The following CASK variants were observed in gnomAD, a reference collection of about 807,000 sequenced individuals.
CASK encodes the protein calcium/calmodulin dependent serine protein kinase.
In CASK, 4 loss-of-function variants were observed where a neutral mutation model predicts 82.9. The observed-to-expected ratio is 0.05, with a 90% confidence interval of 0.02 to 0.11. CASK has a LOEUF of 0.11. CASK is among the 10% of genes least tolerant of loss of function. The pLI, the probability that CASK is intolerant of heterozygous loss-of-function variation, is 1.00. For missense variants in CASK, 358 were observed against 720.9 expected (o/e 0.50, Z 5.76); for synonymous variants, 259 against 253.5 (o/e 1.02, Z -0.20).
intron 8 of CASK, chrX:41,660,026 C>A: frequency 6.7e-6 from 1 of 150,267 alleles, no homozygotes; most frequent in Non-Finnish European, 1.3e-5. Context: ...CTGCCGTTTT[C>A]CTAAGACAGA....
At chrX:41,902,752 A>C (rs1055006353) in intron 1 of CASK, among the ~76,000 whole-genome samples, 2 of 112,287 alleles carry the variant, frequency 1.8e-5, no homozygotes, top group Non-Finnish European at 3.8e-5. Flanking sequence ...TGATGTTAGC[A>C]TAAAGTTAGA....
chrX:41,790,662 A>C (rs1053129110), intron 2 of CASK, among the ~76,000 whole-genome samples: 1 of 112,074 alleles, frequency 8.9e-6, no homozygotes, highest in African/African-American at 3.2e-5. Context: ...ATTTGCTAGT[A>C]TGAAACTAGC....
At chrX:41,631,111 C>T (rs1191022569) in intron 9 of CASK, among the ~76,000 whole-genome samples, 1 of 111,255 alleles carries the variant, frequency 9.0e-6, no homozygotes, top group African/African-American at 3.3e-5. Flanking sequence ...GCAGTATTTT[C>T]TCTAGAGAAA....
At chrX:41,807,889 CTT>C (rs2070160547) in intron 2 of CASK, among the ~76,000 whole-genome samples, 1 of 111,703 alleles carries the variant, frequency 9.0e-6, no homozygotes, top group Non-Finnish European at 1.9e-5. Context: ...GAGTTTCACT[CTT>C]ATCACCCAGG....
At chrX:41,562,840 C>T (rs1322148541) in intron 16 of CASK, 1 of 107,106 alleles carries the variant, frequency 9.3e-6, no homozygotes, top group Non-Finnish European at 1.9e-5. Flanking sequence ...GTGGGCAGCT[C>T]ATGAGGTCAG....
chrX:41,667,775 C>T (rs1222089514), intron 6 of CASK, among the ~76,000 whole-genome samples: 4 of 111,104 alleles, frequency 3.6e-5, no homozygotes, highest in Non-Finnish European at 7.5e-5. Flanking sequence ...TTCTTTTACA[C>T]AGAATGCTGC....
intron 12 of CASK, among the ~76,000 whole-genome samples, chrX:41,595,317 G>A (rs1353456523): frequency 8.9e-6 from 1 of 112,180 alleles, no homozygotes; most frequent in East Asian, 2.8e-4. Flanking sequence ...AGAGACCTTA[G>A]GGCTGGGTGT....
intron 5 of CASK, chrX:41,697,019 T>A: frequency 7.4e-6 from 2 of 269,872 alleles, no homozygotes; most frequent in Non-Finnish European, 1.4e-5. Context: ...TGAAGTTAAG[T>A]GAAATTTATG....
At chrX:41,652,585 C>G (rs1046393890) in intron 8 of CASK, among the ~76,000 whole-genome samples, 5 of 110,719 alleles carry the variant, frequency 4.5e-5, no homozygotes, top group African/African-American at 1.3e-4. Flanking sequence ...TTTGGCCCCA[C>G]CCCCAACCTC....
chrX:41,523,481 A>C (rs1354346426), intron 26 of CASK, among the ~76,000 whole-genome samples: 6 of 112,850 alleles, frequency 5.3e-5, no homozygotes, highest in Non-Finnish European at 1.1e-4. Flanking sequence ...GCACTGCTAC[A>C]CTTAGCAGAC....
intron 21 of CASK, among the ~76,000 whole-genome samples, chrX:41,548,619 A>T (rs968193740): frequency 9.0e-6 from 1 of 111,650 alleles, no homozygotes; most frequent in Admixed American, 9.6e-5. Context: ...CCCACGTGGC[A>T]TACAGAGGAG....
intron 13 of CASK, 154 bp from the exon 14 acceptor site, chrX:41,587,141 A>G: frequency 4.6e-6 from 2 of 431,707 alleles, no homozygotes; most frequent in Non-Finnish European, 8.0e-6. Flanking sequence ...TTATTAATAC[A>G]TAGAAGAACA....
intron 5 of CASK, among the ~76,000 whole-genome samples, chrX:41,730,381 A>G (rs1229792375): frequency 1.8e-5 from 2 of 111,654 alleles, no homozygotes; most frequent in African/African-American, 6.5e-5. Flanking sequence ...ACACACACAC[A>G]CACAAAAACC....
At chrX:41,588,995 G>T (rs1433448207) in intron 13 of CASK, among the ~76,000 whole-genome samples, 1 of 112,020 alleles carries the variant, frequency 8.9e-6, no homozygotes, top group Non-Finnish European at 1.9e-5. Context: ...GTGTTAGGGT[G>T]ATGAGATTAT....
At chrX:41,744,347 C>G (rs190288560) in intron 4 of CASK, among the ~76,000 whole-genome samples, 1 of 98,522 alleles carries the variant, frequency 1.0e-5, no homozygotes, top group Non-Finnish European at 2.1e-5. Context: ...ATATTTACTT[C>G]TTTTTTTTTT....
intron 8 of CASK, among the ~76,000 whole-genome samples, chrX:41,654,984 ATT>A (rs763099566): frequency 3.6e-4 from 35 of 97,683 alleles, no homozygotes; most frequent in African/African-American, 4.5e-4. Flanking sequence ...GGGACTCAAC[ATT>A]TTTTTTTTTT....
At position 41,847,192 on chromosome X, in the gene CASK, C is replaced by A. The variant is rs771431169; in HGVS notation, c.172+5923G>T. ...TTGGACTATTATTTCTTCAAATATT[C>A]TTTCTACTCCTTTCTCTCCATTCCT... On this transcript the variant is annotated intron_variant, in intron 2 of 26. Coordinates refer to ENST00000378163, the MANE Select transcript of CASK (RefSeq NM_001367721.1). Among the ~76,000 whole-genome samples the A allele has an allele frequency of 6.3e-5, 7 of 111,486 alleles. No homozygotes were observed. In the South Asian group the frequency reaches 2.6e-3, roughly 42 times the overall value.
At chrX:41,676,203 G>C (rs754541463) in intron 5 of CASK, 41 of 1,176,036 alleles carry the variant, frequency 3.5e-5, no homozygotes, top group Non-Finnish European at 4.6e-5. Context: ...AAAAGAAACA[G>C]TACATCATTG....
chrX:41,858,311 G>A (rs1196563219), intron 1 of CASK, among the ~76,000 whole-genome samples: 1 of 112,335 alleles, frequency 8.9e-6, no homozygotes, highest in Non-Finnish European at 1.9e-5. Flanking sequence ...ATAGGTAGGT[G>A]AGCTGCATCC....
Sources: gnomAD v4.1 joint callset for allele counts (sites outside exome capture counted in the v4.1 genomes callset) on GRCh38, gnomAD v4.1.1 for gene constraint, MANE v1.5 for transcripts, NCBI Gene and HGNC (gene_info 2026-07-23, HGNC 2026-07-21) for gene names.